The following OR6J1 variants were observed in gnomAD, a reference collection of about 807,000 sequenced individuals.
OR6J1 encodes the protein olfactory receptor family 6 subfamily J member 1.
For missense variants in OR6J1, 304 were observed against 166.8 expected, an observed-to-expected ratio of 1.82 and a Z score of -4.53; for synonymous variants, 109 against 70.0, an observed-to-expected ratio of 1.56 and a Z score of -2.78.
At chr14:22,635,757 T>C (rs2037579233) in intron 1 of OR6J1, among the ~76,000 whole-genome samples, 1 of 152,126 alleles carries the variant, frequency 6.6e-6, no homozygotes, top group South Asian at 2.1e-4. Flanking sequence ...AAAAGTAAAA[T>C]TGATTCCCAA....
chr14:22,638,842 G>A (rs1432710353), intron 1 of OR6J1, among the ~76,000 whole-genome samples: 7 of 88,256 alleles, frequency 7.9e-5, no homozygotes, highest in South Asian at 5.8e-4. Flanking sequence ...AGTGAGGAGC[G>A]TCTCCGCCCG....
intron 1 of OR6J1, among the ~76,000 whole-genome samples, chr14:22,643,697 AC>A (rs2139300193): frequency 7.1e-6 from 1 of 141,070 alleles, no homozygotes; most frequent in East Asian, 2.2e-4. Context: ...AGAAGCCCTG[AC>A]CCCTGGCATG....
At chr14:22,637,389 G>A (rs1349393087) in intron 1 of OR6J1, among the ~76,000 whole-genome samples, 4 of 41,288 alleles carry the variant, frequency 9.7e-5, no homozygotes, top group Non-Finnish European at 8.8e-5. Flanking sequence ...CTGGCCAGTC[G>A]CCCCGTCCAG....
At chr14:22,637,573 C>A (rs2037600833) in intron 1 of OR6J1, among the ~76,000 whole-genome samples, 1 of 48,076 alleles carries the variant, frequency 2.1e-5, no homozygotes, top group Admixed American at 1.4e-4. Flanking sequence ...CCGCCCCGTC[C>A]GGGAGGGAGG....
intron 1 of OR6J1, among the ~76,000 whole-genome samples, chr14:22,641,406 G>A (rs796317358): frequency 2.2e-5 from 1 of 45,404 alleles, no homozygotes. Flanking sequence ...AGAAAGGAAG[G>A]ATGGAAGGAA....
At position 22,640,214 on chromosome 14, in the gene OR6J1, G is replaced by A. The variant is rs1317904583; in HGVS notation, c.-28+3884C>T. 6.3e-5 allele frequency among the ~76,000 whole-genome samples: 7 copies of A among 110,564 alleles called. No homozygotes were observed. The South Asian group carries it at 2.0e-3, about 32-fold the overall frequency. 72.5% of individuals were successfully genotyped at this position (110,564 alleles called of 152,430 possible). A position where few individuals can be genotyped will look rare whatever the true frequency, so the allele number is the denominator to read the frequency against. ...GAGGGAGGGAAAAGAGAGAGGGAGG[G>A]AGGGAGGGAGGGAGGGAAGGAAGGA... On this transcript the variant is annotated intron_variant, in intron 1 of 1. Coordinates refer to ENST00000540461, the MANE Select transcript of OR6J1 (RefSeq NM_001348233.2).
At chr14:22,637,561 A>G (rs1353148917) in intron 1 of OR6J1, among the ~76,000 whole-genome samples, 14 of 32,482 alleles carry the variant, frequency 4.3e-4, no homozygotes, top group South Asian at 1.1e-3. Context: ...CTGCCCGGCC[A>G]GCCGCCCCGT....
chr14:22,635,074 C>A (rs1239210634), intron 1 of OR6J1, among the ~76,000 whole-genome samples: 2 of 152,174 alleles, frequency 1.3e-5, no homozygotes, highest in African/African-American at 4.8e-5. Context: ...GTCATATGAA[C>A]TTTCTAAAAG....
At chr14:22,635,295 A>G (rs2037576157) in intron 1 of OR6J1, among the ~76,000 whole-genome samples, 1 of 152,368 alleles carries the variant, frequency 6.6e-6, no homozygotes, top group Admixed American at 6.5e-5. Context: ...TGGTACCTTT[A>G]AGAAATAACA....
At position 22,639,995 on chromosome 14, in the gene OR6J1, TAAAA is replaced by T. The variant is rs1016510047; in HGVS notation, c.-28+4099_-28+4102del. On this transcript the variant is annotated intron_variant, in intron 1 of 1. Coordinates refer to ENST00000540461, the MANE Select transcript of OR6J1 (RefSeq NM_001348233.2). ...AGAATTATCAATAAAAAAATAAATT[TAAAA>T]AAAAAAAAAATTTACACTGCTAGTG... is the stretch of plus-strand genomic sequence containing the variant. Among the ~76,000 whole-genome samples, 6 of 108,094 alleles carry T rather than the reference TAAAA, an allele frequency of 5.6e-5. 1 individual carries two copies. The highest frequency in any genetic ancestry group is 1.2e-4 in the African/African-American group (4 of 33,580). 70.9% of individuals were successfully genotyped at this position (108,094 alleles called of 152,430 possible). A position where few individuals can be genotyped will look rare whatever the true frequency, so the allele number is the denominator to read the frequency against.
At chr14:22,643,816 T>C (rs2139300521) in intron 1 of OR6J1, among the ~76,000 whole-genome samples, 1 of 142,254 alleles carries the variant, frequency 7.0e-6, no homozygotes, top group African/African-American at 2.6e-5. Flanking sequence ...TTACTAAATG[T>C]AGATATATGC....
At chr14:22,639,131 T>C (rs1227767845) in intron 1 of OR6J1, among the ~76,000 whole-genome samples, 1 of 82,804 alleles carries the variant, frequency 1.2e-5, no homozygotes, top group East Asian at 3.0e-4. Flanking sequence ...GCCCGGCAGC[T>C]GCCCCGTCTG....
At chr14:22,641,393 G>C (rs1204138686) in intron 1 of OR6J1, among the ~76,000 whole-genome samples, 1 of 74,504 alleles carries the variant, frequency 1.3e-5, no homozygotes, top group Non-Finnish European at 2.7e-5. Flanking sequence ...AAGAGAGAGA[G>C]AGAGAAAGGA....
chr14:22,637,569 C>A (rs1384018853), intron 1 of OR6J1, among the ~76,000 whole-genome samples: 7 of 44,568 alleles, frequency 1.6e-4, no homozygotes, highest in Non-Finnish European at 3.1e-4. Flanking sequence ...CCAGCCGCCC[C>A]GTCCGGGAGG....
rs1471652927 is a variant in OR6J1 at position 22,634,360 on chromosome 14, C to A, written c.452G>T (p.Gly151Val). The change falls in exon 2 of 2, where the codon GGC becomes GTC. Residue 151 changes from glycine to valine, a missense_variant. Physicochemically the swap from Gly to Val is moderately radical, Grantham distance 109. Coordinates refer to ENST00000540461, the MANE Select transcript of OR6J1 (RefSeq NM_001348233.2). Reference sequence around the variant, plus strand: ...GGTTGGAAAGAGCACAGACAGGAAGCCTCCCACCCAAGAGAATACAACGGT... The same window carrying A: ...GGTTGGAAAGAGCACAGACAGGAAGACTCCCACCCAAGAGAATACAACGGT... The part of the protein sequence containing the change: ...IGTVVFSWVG[G>V]FLSVLFPTIL... 1 of 703,220 alleles carries A rather than the reference C, an allele frequency of 1.4e-6. No individual in the cohort carries two copies. Among genetic ancestry groups the A allele is most frequent in the African/African-American group, 1.7e-5 (1 of 57,298 alleles). The allele number at this position is 703,220 out of a possible 1,614,324, so 43.6% of individuals were successfully genotyped here.
intron 1 of OR6J1, among the ~76,000 whole-genome samples, chr14:22,637,701 G>T (rs1193869907): frequency 1.9e-4 from 14 of 73,214 alleles, no homozygotes; most frequent in African/African-American, 1.0e-3. Context: ...TCAGCCCCCC[G>T]CCCGACCAGC....
At chr14:22,642,475 G>GA (rs1209524672) in intron 1 of OR6J1, among the ~76,000 whole-genome samples, 2 of 151,130 alleles carry the variant, frequency 1.3e-5, no homozygotes, top group Non-Finnish European at 3.0e-5. Context: ...AGTAAGCTGG[G>GA]ATTACAGGCG....
rs1347219239 is a variant in OR6J1, at chr14:22,632,951, G to A, written c.*817C>T. The A allele has an allele frequency of 6.6e-6, 1 of 152,194 alleles. No individual in the cohort carries two copies. The highest frequency in any genetic ancestry group is 6.5e-5 in the Admixed American group (1 of 15,286). The allele number at this position is 152,194 out of a possible 1,614,324, so 9.4% of individuals were successfully genotyped here. A position where few individuals can be genotyped will look rare whatever the true frequency, so the allele number is the denominator to read the frequency against. ...TCAGCTTGCACCTGGCACCCAAAGTGGCCACTCCAGCCACCAAGCCTATTT... is the reference window on the plus strand; with the variant it reads ...TCAGCTTGCACCTGGCACCCAAAGTAGCCACTCCAGCCACCAAGCCTATTT... On this transcript the variant is annotated 3_prime_UTR_variant, in exon 2 of 2. Transcript: ENST00000540461.
intron 1 of OR6J1, among the ~76,000 whole-genome samples, chr14:22,641,213 GAAA>G (rs1313437757): frequency 1.2e-4 from 1 of 8,410 alleles, no homozygotes; most frequent in Non-Finnish European, 2.3e-4. Flanking sequence ...AGAAAGATAA[GAAA>G]GAAAGAAAGA....
Sources: gnomAD v4.1 joint callset for allele counts (sites outside exome capture counted in the v4.1 genomes callset) on GRCh38, gnomAD v4.1.1 for gene constraint, MANE v1.5 for transcripts, NCBI Gene and HGNC (gene_info 2026-07-23, HGNC 2026-07-21) for gene names.